ELP4: variants seen among roughly 807,000 people sequenced by gnomAD.
ELP4 encodes the protein elongator acetyltransferase complex subunit 4, also known as elongator complex protein 4.
Under a neutral mutation model 48.9 loss-of-function variants are expected in ELP4, and 51 were observed. That is an observed-to-expected ratio of 1.04 (90% CI 0.83 to 1.32). The LOEUF is 1.32. Ranked by LOEUF, ELP4 falls within the 40% of genes most tolerant of loss-of-function variation. The probability of loss-of-function intolerance (pLI) is 0.00; values close to 1 mark genes in which losing one functional copy is unlikely to be tolerated. For missense variants in ELP4, 519 were observed against 514.6 expected (o/e 1.01, Z -0.08); for synonymous variants, 210 against 189.2 (o/e 1.11, Z -0.90).
intron 9 of ELP4, among the ~76,000 whole-genome samples, chr11:31,725,426 T>G (rs1319253340): frequency 2.0e-5 from 3 of 152,284 alleles, no homozygotes; most frequent in Non-Finnish European, 4.4e-5. Context: ...ACCATGGTCA[T>G]GCAAGCTGCT....
intron 9 of ELP4, chr11:31,651,828 A>C (rs1945325659): frequency 6.6e-6 from 1 of 151,720 alleles, no homozygotes; most frequent in Admixed American, 6.6e-5. Context: ...TAAATATTGT[A>C]CCCAGAGAAG....
At chr11:31,659,315 G>GT (rs1945505171) in intron 9 of ELP4, among the ~76,000 whole-genome samples, 2 of 152,236 alleles carry the variant, frequency 1.3e-5, no homozygotes, top group African/African-American at 4.8e-5. Context: ...TCACTGAACT[G>GT]TTTTGTCAGG....
chr11:31,731,567 GGTGT>G (rs148076836), intron 9 of ELP4, among the ~76,000 whole-genome samples: 23 of 142,864 alleles, frequency 1.6e-4, no homozygotes, highest in African/African-American at 2.7e-4. Flanking sequence ...CCATTAAGCA[GGTGT>G]GTGTGTGTGT....
intron 1 of ELP4, chr11:31,510,690 A>G (rs1387372665): frequency 7.3e-6 from 2 of 274,090 alleles, no homozygotes; most frequent in Non-Finnish European, 1.3e-5. Flanking sequence ...CGACATCTTT[A>G]AATTTAACTC....
At chr11:31,626,998 G>C (rs1944758512) in intron 5 of ELP4, 112 bp from the exon 6 acceptor site, 2 of 601,168 alleles carry the variant, frequency 3.3e-6, no homozygotes, top group Admixed American at 5.2e-5. Flanking sequence ...ACATTCTTAA[G>C]TAATCTAATA....
chr11:31,753,570 A>G (rs187113503), intron 9 of ELP4, among the ~76,000 whole-genome samples: 2 of 152,236 alleles, frequency 1.3e-5, no homozygotes, highest in African/African-American at 4.8e-5. Flanking sequence ...TCTCAGAAAA[A>G]GTTGGCAATA....
chr11:31,593,069 A>T lies in ELP4; in HGVS notation c.382-1701A>T, dbSNP rs372533053. ...CATTATACTAAATTTGTTGCCCAAT[A>T]TTGACAATACAAAATGTGTGGCTCT... On this transcript the variant is annotated intron_variant, in intron 3 of 9. Coordinates refer to ENST00000640961, the MANE Select transcript of ELP4 (RefSeq NM_019040.5). 6.6e-5 allele frequency among the ~76,000 whole-genome samples: 10 copies of T among 152,342 alleles called. No individual in the cohort carries two copies. In the East Asian group the frequency reaches 1.3e-3, roughly 21 times the overall value.
intron 3 of ELP4, among the ~76,000 whole-genome samples, chr11:31,545,255 A>G (rs917205274): frequency 2.0e-5 from 3 of 152,228 alleles, no homozygotes; most frequent in Non-Finnish European, 2.9e-5. Flanking sequence ...AGACGAATGT[A>G]TAACTAGAAT....
At chr11:31,678,806 A>G (rs1003741097) in intron 9 of ELP4, among the ~76,000 whole-genome samples, 1 of 152,190 alleles carries the variant, frequency 6.6e-6, no homozygotes, top group Non-Finnish European at 1.5e-5. Flanking sequence ...GTATAAGAGC[A>G]TATTTCATTT....
In ELP4 at chr11:31,707,670, C is replaced by T. The variant is rs1946662067; in HGVS notation, c.1143+57449C>T. 3.3e-5 allele frequency among the ~76,000 whole-genome samples: 5 copies of T among 152,142 alleles called. No homozygotes were observed. In the South Asian group the frequency reaches 1.0e-3, roughly 32 times the overall value. ...TGGCTTAAAATAACATAAATTATTT[C>T]CCTATAATTCTAGAGGTCAGAGGTC... On this transcript the variant is annotated intron_variant, in intron 9 of 9. Coordinates refer to ENST00000640961, the MANE Select transcript of ELP4 (RefSeq NM_019040.5).
chr11:31,702,904 A>G (rs1946555494), intron 9 of ELP4, among the ~76,000 whole-genome samples: 1 of 152,200 alleles, frequency 6.6e-6, no homozygotes. Context: ...TATTTACTTC[A>G]AATTTTATTG....
intron 9 of ELP4, among the ~76,000 whole-genome samples, chr11:31,684,500 C>T (rs1415341853): frequency 6.6e-6 from 1 of 152,144 alleles, no homozygotes; most frequent in Non-Finnish European, 1.5e-5. Context: ...AGCCACAGCA[C>T]CCAGCCCCAA....
chr11:31,676,387 C>T (rs867511100), intron 9 of ELP4, among the ~76,000 whole-genome samples: 35 of 152,174 alleles, frequency 2.3e-4, no homozygotes, highest in African/African-American at 8.4e-4. Flanking sequence ...ATAGCACTCA[C>T]CACCTTCTAA....
Position 31,784,409 on chromosome 11 carries a change from TG to T in ELP4, c.*891del, listed in dbSNP as rs1374133500. ...ATTTCTAACCATGTAAACATGTCTT[TG>T]GGGGGTATAGCATATCGAACCAGTT... is the stretch of plus-strand genomic sequence containing the variant. On this transcript the variant is annotated 3_prime_UTR_variant, in exon 10 of 10. Transcript: ENST00000640961. 1 of 152,126 alleles carries T rather than the reference TG, an allele frequency of 6.6e-6. No individual in the cohort carries two copies. The highest frequency in any genetic ancestry group is 1.5e-5 in the Non-Finnish European group (1 of 67,970). 9.4% of individuals were successfully genotyped at this position (152,126 alleles called of 1,614,324 possible). A position where few individuals can be genotyped will look rare whatever the true frequency, so the allele number is the denominator to read the frequency against.
chr11:31,678,295 A>T (rs982705401), intron 9 of ELP4, among the ~76,000 whole-genome samples: 8 of 152,074 alleles, frequency 5.3e-5, no homozygotes, highest in African/African-American at 1.9e-4. Flanking sequence ...AAAAAATTTT[A>T]AAAATTAGCC....
intron 3 of ELP4, among the ~76,000 whole-genome samples, chr11:31,583,207 G>A (rs1449231565): frequency 6.6e-6 from 1 of 152,002 alleles, no homozygotes; most frequent in Non-Finnish European, 1.5e-5. Context: ...TTGCTGGTTT[G>A]TTTTCTAAGT....
chr11:31,623,355 A>ATT (rs1491512431), intron 5 of ELP4, among the ~76,000 whole-genome samples: 1 of 22,488 alleles, frequency 4.4e-5, no homozygotes, highest in Admixed American at 4.2e-4. Context: ...TTTTCAGCAA[A>ATT]TATATATATA....
At chr11:31,516,549 G>A (rs573329780) in intron 1 of ELP4, among the ~76,000 whole-genome samples, 2 of 152,330 alleles carry the variant, frequency 1.3e-5, no homozygotes, top group East Asian at 3.9e-4. Flanking sequence ...TGGCTGGAGT[G>A]CAGTGGTGCG....
At chr11:31,678,587 A>T in intron 9 of ELP4, among the ~76,000 whole-genome samples, 1 of 146,972 alleles carries the variant, frequency 6.8e-6, no homozygotes, top group Admixed American at 6.9e-5. Flanking sequence ...TGGCTTGATA[A>T]CTCATTTCTT....
Sources: allele counts gnomAD v4.1 joint callset (sites outside exome capture counted in the v4.1 genomes callset), GRCh38; gene constraint gnomAD v4.1.1; transcripts MANE v1.5; gene names NCBI Gene and HGNC (gene_info 2026-07-23, HGNC 2026-07-21).